HM13: variants seen among roughly 807,000 people sequenced by gnomAD.
HM13 encodes the protein histocompatibility minor 13, also known as signal peptide peptidase.
In HM13, 18 loss-of-function variants were observed where a neutral mutation model predicts 50.0. The observed-to-expected ratio is 0.36, with a 90% CI of 0.25 to 0.53. The LOEUF (loss-of-function observed/expected upper bound fraction) is 0.53. Among genes scored for constraint, HM13 ranks in the 20% least tolerant of loss-of-function variants. The pLI, the probability that HM13 is intolerant of heterozygous loss-of-function variation, is 0.90. For missense variants in HM13, 393 were observed against 552.4 expected (o/e 0.71, Z 2.89); for synonymous variants, 197 against 232.6 (o/e 0.85, Z 1.39).
chr20:31,533,084 C>T (rs995224755), intron 2 of HM13, among the ~76,000 whole-genome samples: 2 of 152,226 alleles, frequency 1.3e-5, no homozygotes, highest in African/African-American at 4.8e-5. Flanking sequence ...CCTGGCCTCC[C>T]CCCTGACATC....
intron 1 of HM13, among the ~76,000 whole-genome samples, chr20:31,518,866 T>TATATAGAG (rs531734993): frequency 1.3e-4 from 20 of 149,410 alleles, no homozygotes; most frequent in African/African-American, 4.7e-4. Flanking sequence ...CATATATATA[T>TATATAGAG]AGAGAGAGAG....
intron 2 of HM13, among the ~76,000 whole-genome samples, chr20:31,532,028 C>T (rs1336525186): frequency 1.3e-5 from 2 of 152,050 alleles, no homozygotes; most frequent in Admixed American, 1.3e-4. Flanking sequence ...TCACTTTAAA[C>T]AGAAAATGTC....
chr20:31,560,831 G>A (rs962832502), intron 9 of HM13, among the ~76,000 whole-genome samples: 1 of 152,198 alleles, frequency 6.6e-6, no homozygotes, highest in South Asian at 2.1e-4. Flanking sequence ...ACTTGCAGCC[G>A]AAGGCTTAGA....
intron 10 of HM13, 136 bp downstream of exon 10, chr20:31,561,872 C>G: frequency 1.5e-6 from 1 of 687,346 alleles, no homozygotes. Flanking sequence ...GTCTGTGATT[C>G]TCTTGGCCTT....
intron 1 of HM13, among the ~76,000 whole-genome samples, chr20:31,520,167 A>T (rs1298012853): frequency 2.6e-5 from 4 of 151,644 alleles, no homozygotes. Flanking sequence ...CACACTTTTT[A>T]TTTAGATAGA....
intron 4 of HM13, chr20:31,547,793 T>C: frequency 2.1e-6 from 2 of 949,730 alleles, no homozygotes; most frequent in East Asian, 4.8e-5. Flanking sequence ...CACCAGCAGG[T>C]TGATAAAGGA....
At chr20:31,536,432 TCCC>T (rs1308925260) in intron 2 of HM13, among the ~76,000 whole-genome samples, 1 of 151,748 alleles carries the variant, frequency 6.6e-6, no homozygotes, top group African/African-American at 2.4e-5. Flanking sequence ...TTCCCCTCCA[TCCC>T]CCCAAGCCAG....
At chr20:31,524,642 T>C (rs1982375147) in intron 1 of HM13, among the ~76,000 whole-genome samples, 1 of 151,974 alleles carries the variant, frequency 6.6e-6, no homozygotes, top group Non-Finnish European at 1.5e-5. Flanking sequence ...GTTTGAGCTC[T>C]TATTAAGAGT....
At chr20:31,522,115 G>T (rs1982200504) in intron 1 of HM13, among the ~76,000 whole-genome samples, 1 of 152,052 alleles carries the variant, frequency 6.6e-6, no homozygotes, top group South Asian at 2.1e-4. Flanking sequence ...TCCCACCCAG[G>T]GTGCTGAGCT....
intron 8 of HM13, among the ~76,000 whole-genome samples, chr20:31,556,007 C>CATAT (rs891833139): frequency 1.3e-5 from 2 of 149,306 alleles, no homozygotes; most frequent in African/African-American, 5.0e-5. Flanking sequence ...ATTGTGAGAC[C>CATAT]ATATATATAT....
At chr20:31,559,495 G>A (rs1984494883) in intron 8 of HM13, 116 bp from the exon 9 acceptor site, 2 of 985,742 alleles carry the variant, frequency 2.0e-6, no homozygotes, top group Admixed American at 3.4e-5. Flanking sequence ...CACACCCTTG[G>A]TCTCCAATGA....
In HM13 at chr20:31,554,819, C is replaced by T. The variant is rs780074189; in HGVS notation, c.798C>T (p.Val266=). ...TTGCCATGCTGGGACTTGGAGATGT[C>T]GTCATTCCAGGTGAGCCTGCTGGTG... ...NNFAMLGLGD[V]VIPGIFIALL... is the part of the protein sequence containing the mutation. Residue 266 remains valine, a synonymous_variant, in exon 8 of 13, where the codon GTC becomes GTT. Coordinates refer to ENST00000398174, the MANE Select transcript of HM13 (RefSeq NM_178581.3). The T allele has an allele frequency of 1.2e-5, 19 of 1,613,780 alleles. No individual in the cohort carries two copies. The highest frequency in any genetic ancestry group is 1.7e-5 in the Admixed American group (1 of 60,028).
At chr20:31,538,076 C>T in intron 2 of HM13, 103 bp from the exon 3 acceptor site, 3 of 1,368,586 alleles carry the variant, frequency 2.2e-6, no homozygotes, top group Non-Finnish European at 3.0e-6. Context: ...TCCCCCGACT[C>T]AAGAAGGGTG....
chr20:31,566,791 A>T (rs1461338713), intron 11 of HM13, among the ~76,000 whole-genome samples: 7 of 151,550 alleles, frequency 4.6e-5, no homozygotes, highest in Non-Finnish European at 8.8e-5. Context: ...TGCTTTCTCT[A>T]TATCTGTATC....
At chr20:31,532,396 G>C (rs959753405) in intron 2 of HM13, among the ~76,000 whole-genome samples, 1 of 152,222 alleles carries the variant, frequency 6.6e-6, no homozygotes, top group African/African-American at 2.4e-5. Context: ...CTGCACTCCA[G>C]CCTGGTGACA....
intron 8 of HM13, among the ~76,000 whole-genome samples, chr20:31,556,462 A>G (rs935214322): frequency 6.6e-6 from 1 of 152,176 alleles, no homozygotes; most frequent in African/African-American, 2.4e-5. Context: ...AGGCACTTCT[A>G]TTTGTGACAG....
At chr20:31,536,211 A>C (rs539301198) in intron 2 of HM13, among the ~76,000 whole-genome samples, 1 of 152,272 alleles carries the variant, frequency 6.6e-6, no homozygotes, top group Non-Finnish European at 1.5e-5. Context: ...TAAAAATACA[A>C]AATTAGCCGG....
chr20:31,517,939 G>A (rs772854207), intron 1 of HM13, among the ~76,000 whole-genome samples: 35 of 151,610 alleles, frequency 2.3e-4, no homozygotes, highest in Non-Finnish European at 5.0e-4. Context: ...AGTTTTTTCT[G>A]TGTTTACACA....
intron 12 of HM13, 128 bp from the exon 13 acceptor site, chr20:31,568,992 A>G (rs904112199): frequency 9.3e-6 from 6 of 642,702 alleles, no homozygotes; most frequent in Non-Finnish European, 1.7e-5. Context: ...GGCAGTGGAC[A>G]CAGGGCTGAC....
Sources: gnomAD v4.1 joint callset for allele counts (sites outside exome capture counted in the v4.1 genomes callset) on GRCh38, gnomAD v4.1.1 for gene constraint, MANE v1.5 for transcripts, NCBI Gene and HGNC (gene_info 2026-07-23, HGNC 2026-07-21) for gene names.